The following UBTD1 variants were observed in gnomAD, a reference collection of about 807,000 sequenced individuals.
The protein encoded by UBTD1 is ubiquitin domain-containing protein 1.
In UBTD1, 19 loss-of-function variants were observed where a neutral mutation model predicts 21.7. That is an observed-to-expected ratio of 0.87 (90% CI 0.61 to 1.28). UBTD1 has a LOEUF of 1.28. UBTD1 is among the 50% of genes most tolerant of loss of function. UBTD1 has a pLI of 0.00. For synonymous variants in UBTD1, 116 were observed against 135.1 expected (o/e 0.86, Z 0.98); for missense variants, 282 against 315.1 (o/e 0.89, Z 0.80).
chr10:97,535,465 A>G (rs2135672066), intron 1 of UBTD1, among the ~76,000 whole-genome samples: 1 of 152,184 alleles, frequency 6.6e-6, no homozygotes, highest in East Asian at 1.9e-4. Context: ...AATACAAAAA[A>G]TTAGCTGGGC....
chr10:97,557,921 GATATAT>G (rs1452254515), intron 1 of UBTD1, among the ~76,000 whole-genome samples: 1 of 152,140 alleles, frequency 6.6e-6, no homozygotes, highest in Non-Finnish European at 1.5e-5. Flanking sequence ...TCAGTGACTT[GATATAT>G]ATACTGGAAA....
chr10:97,570,646 G>C lies in UBTD1; in HGVS notation c.*123G>C. On this transcript the variant is annotated 3_prime_UTR_variant, in exon 3 of 3. Coordinates refer to ENST00000370664, the MANE Select transcript of UBTD1 (RefSeq NM_024954.5). This position sits in a 1 kb window ranked among gnomAD's most constrained non-coding sequence, Gnocchi z 6.6. Reference sequence around the variant, plus strand: ...CCTCGGTGTGGCTGGTGGGTGAGCCGTGAAGGGACCCTGCCTTTCAGGGCA... The same window carrying C: ...CCTCGGTGTGGCTGGTGGGTGAGCCCTGAAGGGACCCTGCCTTTCAGGGCA... 1.6e-6 allele frequency: 2 copies of C among 1,254,744 alleles called. No individual in the cohort carries two copies. Among genetic ancestry groups the C allele is most frequent in the Admixed American group, 2.6e-5 (1 of 39,208 alleles). The allele number at this position is 1,254,744 out of a possible 1,614,324, so 77.7% of individuals were successfully genotyped here. A position where few individuals can be genotyped will look rare whatever the true frequency, so the allele number is the denominator to read the frequency against.
chr10:97,548,294 C>G (rs17108055), intron 1 of UBTD1, among the ~76,000 whole-genome samples: 2,226 of 152,312 alleles, frequency 0.015, 48 homozygotes, highest in African/African-American at 0.051. Context: ...TGGAACTGCT[C>G]GTATTCAAGC....
chr10:97,537,609 A>T (rs907399861), intron 1 of UBTD1, among the ~76,000 whole-genome samples: 14 of 152,074 alleles, frequency 9.2e-5, no homozygotes, highest in Non-Finnish European at 1.8e-4. Context: ...AGGGTGAGTG[A>T]GGTAAGAGGT....
intron 1 of UBTD1, among the ~76,000 whole-genome samples, chr10:97,541,808 C>G (rs953152015): frequency 2.0e-5 from 3 of 147,954 alleles, no homozygotes; most frequent in African/African-American, 5.1e-5. Flanking sequence ...GATCTCGGCT[C>G]ACTGCAACCT....
chr10:97,516,143 C>G (rs571364823), intron 1 of UBTD1, among the ~76,000 whole-genome samples: 1 of 152,202 alleles, frequency 6.6e-6, no homozygotes, highest in African/African-American at 2.4e-5. Flanking sequence ...TCAGCAGGAG[C>G]CCCTCCAGGT....
At chr10:97,523,941 C>T (rs541029528) in intron 1 of UBTD1, among the ~76,000 whole-genome samples, 9 of 152,208 alleles carry the variant, frequency 5.9e-5, no homozygotes, top group South Asian at 2.1e-4. Context: ...GTTCTGCCTC[C>T]GTGACAGCCA....
intron 1 of UBTD1, among the ~76,000 whole-genome samples, chr10:97,564,529 T>C (rs1479913304): frequency 1.3e-5 from 2 of 152,194 alleles, no homozygotes; most frequent in African/African-American, 4.8e-5. Flanking sequence ...AAATTTCATC[T>C]ACATAATAAG....
At chr10:97,555,401 GT>G (rs1425149147) in intron 1 of UBTD1, among the ~76,000 whole-genome samples, 1 of 152,042 alleles carries the variant, frequency 6.6e-6, no homozygotes, top group Non-Finnish European at 1.5e-5. Context: ...GATTAACCTG[GT>G]TTTGATTTTT....
At chr10:97,568,204 G>A in intron 2 of UBTD1, 63 bp downstream of exon 2, 1 of 1,574,100 alleles carries the variant, frequency 6.4e-7, no homozygotes, top group Non-Finnish European at 8.7e-7. Flanking sequence ...CACAGTTTGA[G>A]GGTGTTGAGG....
intron 1 of UBTD1, among the ~76,000 whole-genome samples, chr10:97,528,278 C>T (rs572028832): frequency 1.5e-3 from 184 of 124,698 alleles, no homozygotes; most frequent in African/African-American, 3.7e-3. Context: ...ACCTCCCGGA[C>T]GGGGCGGCTG....
At chr10:97,551,987 C>G (rs1269100563) in intron 1 of UBTD1, among the ~76,000 whole-genome samples, 1 of 152,104 alleles carries the variant, frequency 6.6e-6, no homozygotes, top group Non-Finnish European at 1.5e-5. Context: ...TAGCTCATCA[C>G]TGCAGCCTTG....
chr10:97,503,893 A>G (rs1317217228), intron 1 of UBTD1, among the ~76,000 whole-genome samples: 2 of 152,110 alleles, frequency 1.3e-5, no homozygotes, highest in Non-Finnish European at 2.9e-5. Flanking sequence ...ATTCTCTGCA[A>G]CTTCAGCCTT....
At chr10:97,546,589 G>GAAAAAA (rs397741674) in intron 1 of UBTD1, among the ~76,000 whole-genome samples, 2 of 118,150 alleles carry the variant, frequency 1.7e-5, no homozygotes, top group Admixed American at 1.8e-4. Flanking sequence ...CCCTGTCTCA[G>GAAAAAA]AAAAAAAAAA....
chr10:97,548,319 C>T (rs931953900), intron 1 of UBTD1, among the ~76,000 whole-genome samples: 1 of 152,242 alleles, frequency 6.6e-6, no homozygotes, highest in African/African-American at 2.4e-5. Context: ...ACTCTGGCTG[C>T]ACTTGAGAGC....
At chr10:97,529,630 A>C (rs914184016) in intron 1 of UBTD1, among the ~76,000 whole-genome samples, 1 of 151,760 alleles carries the variant, frequency 6.6e-6, no homozygotes, top group Non-Finnish European at 1.5e-5. Flanking sequence ...TCAGGCGTGC[A>C]GGCACTCGGC....
At chr10:97,549,025 G>A (rs2040624288) in intron 1 of UBTD1, among the ~76,000 whole-genome samples, 1 of 152,208 alleles carries the variant, frequency 6.6e-6, no homozygotes. Flanking sequence ...CCGACCCCGT[G>A]AATGTGTACG....
intron 1 of UBTD1, among the ~76,000 whole-genome samples, chr10:97,530,959 C>T (rs1749984179): frequency 6.6e-6 from 1 of 151,860 alleles, no homozygotes; most frequent in East Asian, 1.9e-4. Context: ...GCGATCTCGG[C>T]TCATTAAAAG....
At chr10:97,552,719 G>T (rs958481866) in intron 1 of UBTD1, among the ~76,000 whole-genome samples, 1 of 151,968 alleles carries the variant, frequency 6.6e-6, no homozygotes, top group Non-Finnish European at 1.5e-5. Context: ...TACTTTTTTT[G>T]AATCAAAAGC....
Sources: allele counts gnomAD v4.1 joint callset (sites outside exome capture counted in the v4.1 genomes callset), GRCh38; gene constraint gnomAD v4.1.1; non-coding constraint Gnocchi (gnomAD v3.1); transcripts MANE v1.5; gene names NCBI Gene and HGNC (gene_info 2026-07-23, HGNC 2026-07-21).